The following AHCYL2 variants were observed in gnomAD, a reference collection of about 807,000 sequenced individuals.
The protein encoded by AHCYL2 is adenosylhomocysteinase like 2.
Under a neutral mutation model 81.4 loss-of-function variants are expected in AHCYL2, and 28 were observed. That is an observed-to-expected ratio of 0.34 (90% CI 0.25 to 0.47). The LOEUF is 0.47. Among genes scored for constraint, AHCYL2 ranks in the 20% least tolerant of loss-of-function variants. AHCYL2 has a pLI of 1.00. For synonymous variants in AHCYL2, 272 were observed against 290.2 expected (o/e 0.94, Z 0.64); for missense variants, 551 against 785.1 (o/e 0.70, Z 3.56).
At chr7:129,287,887 C>T (rs1563181954) in intron 1 of AHCYL2, among the ~76,000 whole-genome samples, 2 of 152,180 alleles carry the variant, frequency 1.3e-5, no homozygotes, top group Non-Finnish European at 2.9e-5. Flanking sequence ...TTCATGGCCA[C>T]TTGTTTCACA....
At chr7:129,362,238 G>A (rs1380506800) in intron 1 of AHCYL2, among the ~76,000 whole-genome samples, 1 of 152,116 alleles carries the variant, frequency 6.6e-6, no homozygotes, top group Non-Finnish European at 1.5e-5. Flanking sequence ...TGATGAAACT[G>A]GCCTTCAAAC....
chr7:129,343,885 A>G (rs960088886), intron 1 of AHCYL2, among the ~76,000 whole-genome samples: 1 of 152,226 alleles, frequency 6.6e-6, no homozygotes, highest in Non-Finnish European at 1.5e-5. Context: ...AAATATTCAC[A>G]ATACATATAC....
chr7:129,377,998 C>A (rs1364197982), intron 1 of AHCYL2, among the ~76,000 whole-genome samples: 1 of 152,006 alleles, frequency 6.6e-6, no homozygotes, highest in Non-Finnish European at 1.5e-5. Flanking sequence ...TTTATAATAT[C>A]AAATATTTAA....
At chr7:129,351,721 A>G (rs1360314606) in intron 1 of AHCYL2, 1 of 152,184 alleles carries the variant, frequency 6.6e-6, no homozygotes, top group Non-Finnish European at 1.5e-5. Flanking sequence ...CAGACCTCAC[A>G]GTGGTCTCGC....
intron 1 of AHCYL2, among the ~76,000 whole-genome samples, chr7:129,286,738 G>A (rs1175379681): frequency 6.6e-6 from 1 of 152,124 alleles, no homozygotes; most frequent in Non-Finnish European, 1.5e-5. Flanking sequence ...TGGGATTACA[G>A]GGGTGAGCCA....
At chr7:129,268,108 CTAGTAAT>C (rs1009644842) in intron 1 of AHCYL2, among the ~76,000 whole-genome samples, 1 of 152,130 alleles carries the variant, frequency 6.6e-6, no homozygotes, top group Non-Finnish European at 1.5e-5. Flanking sequence ...GTAGTTTAAA[CTAGTAAT>C]TAGTAATTTA....
chr7:129,359,406 C>T (rs550935016), intron 1 of AHCYL2, among the ~76,000 whole-genome samples: 1 of 152,158 alleles, frequency 6.6e-6, no homozygotes, highest in South Asian at 2.1e-4. Context: ...GTTCTAGTTT[C>T]TTATCTGTGT....
At chr7:129,396,272 G>T (rs574059427) in intron 4 of AHCYL2, among the ~76,000 whole-genome samples, 5 of 151,810 alleles carry the variant, frequency 3.3e-5, no homozygotes, top group African/African-American at 1.2e-4. Context: ...ACAGGCGCCC[G>T]CTACCACACC....
intron 1 of AHCYL2, among the ~76,000 whole-genome samples, chr7:129,300,890 A>T (rs995761004): frequency 1.3e-5 from 2 of 152,168 alleles, no homozygotes; most frequent in Non-Finnish European, 2.9e-5. Flanking sequence ...GCTGGAGCGC[A>T]GTGGCACAAT....
chr7:129,383,619 C>G (rs2150893912), intron 2 of AHCYL2, among the ~76,000 whole-genome samples: 1 of 152,292 alleles, frequency 6.6e-6, no homozygotes, highest in Admixed American at 6.5e-5. Context: ...GCTTCCCAAT[C>G]TCACTCTTAG....
chr7:129,291,600 C>CTT (rs1361998835), intron 1 of AHCYL2, among the ~76,000 whole-genome samples: 1 of 136,874 alleles, frequency 7.3e-6, no homozygotes, highest in African/African-American at 2.7e-5. Flanking sequence ...GCCACAAAGT[C>CTT]TTTTTTTTTT....
intron 4 of AHCYL2, among the ~76,000 whole-genome samples, chr7:129,390,092 A>G (rs1471458797): frequency 2.0e-5 from 3 of 152,126 alleles, no homozygotes; most frequent in Non-Finnish European, 4.4e-5. Flanking sequence ...GTTTTTTCCT[A>G]TACATATATA....
chr7:129,250,668 T>G (rs1285203633), intron 1 of AHCYL2, among the ~76,000 whole-genome samples: 1 of 152,204 alleles, frequency 6.6e-6, no homozygotes, highest in Non-Finnish European at 1.5e-5. Context: ...CACTGATAGT[T>G]GGTAGGGCAG....
intron 1 of AHCYL2, among the ~76,000 whole-genome samples, chr7:129,288,579 C>T (rs554185297): frequency 4.4e-4 from 66 of 151,682 alleles, no homozygotes; most frequent in African/African-American, 1.5e-3. Flanking sequence ...AGGCTGGTCT[C>T]GAACTCCTGA....
intron 4 of AHCYL2, among the ~76,000 whole-genome samples, chr7:129,396,983 T>C (rs534920930): frequency 6.6e-6 from 1 of 152,328 alleles, no homozygotes; most frequent in East Asian, 1.9e-4. Context: ...TTAAATCTTA[T>C]GGGGAAGCTT....
intron 2 of AHCYL2, 58 bp downstream of exon 2, chr7:129,379,807 G>T: frequency 7.5e-7 from 1 of 1,338,328 alleles, no homozygotes; most frequent in South Asian, 1.3e-5. Flanking sequence ...GATCTCAATG[G>T]GCCCTCCTGT....
chr7:129,394,035 C>A (rs902638555), intron 4 of AHCYL2, among the ~76,000 whole-genome samples: 1 of 152,054 alleles, frequency 6.6e-6, no homozygotes, highest in African/African-American at 2.4e-5. Flanking sequence ...AGTAGGGTCT[C>A]ACTGTGTCAC....
At chr7:129,268,432 C>G (rs7811141) in intron 1 of AHCYL2, among the ~76,000 whole-genome samples, 77,109 of 152,030 alleles carry the variant, frequency 0.51, 22,210 homozygotes, top group Non-Finnish European at 0.63. Context: ...ACCACAACCT[C>G]CATCTCCCGG....
intron 1 of AHCYL2, among the ~76,000 whole-genome samples, chr7:129,314,921 A>T (rs544529432): frequency 2.0e-4 from 31 of 152,134 alleles, no homozygotes; most frequent in Admixed American, 4.6e-4. Context: ...TGCTTTTTTT[A>T]GCTTTATCTG....
Sources: gnomAD v4.1 joint callset for allele counts (sites outside exome capture counted in the v4.1 genomes callset) on GRCh38, gnomAD v4.1.1 for gene constraint, MANE v1.5 for transcripts, NCBI Gene and HGNC (gene_info 2026-07-23, HGNC 2026-07-21) for gene names.